The following BBS9 variants were observed in gnomAD, a reference collection of about 807,000 sequenced individuals.
The protein encoded by BBS9 is protein PTHB1.
BBS9 carries 89 observed loss-of-function variants against 117.7 expected under a neutral mutation model. The ratio of observed to expected loss-of-function variants is 0.76; its 90% CI spans 0.64 to 0.90. The LOEUF (loss-of-function observed/expected upper bound fraction) is 0.90. Ranked by LOEUF, BBS9 falls within the 40% of genes least tolerant of loss-of-function variation. The pLI is 0.00. For missense variants in BBS9, 982 were observed against 1,042.2 expected (o/e 0.94, Z 0.80); for synonymous variants, 379 against 370.9 (o/e 1.02, Z -0.25).
intron 9 of BBS9, among the ~76,000 whole-genome samples, chr7:33,315,464 G>C (rs541314558): frequency 2.6e-5 from 4 of 152,136 alleles, no homozygotes; most frequent in Non-Finnish European, 5.9e-5. Flanking sequence ...CACAAAGTCA[G>C]TCCAGATTCA....
At chr7:33,492,625 T>G (rs953438863) in intron 19 of BBS9, among the ~76,000 whole-genome samples, 2 of 152,180 alleles carry the variant, frequency 1.3e-5, no homozygotes, top group Non-Finnish European at 2.9e-5. Flanking sequence ...GACTTGAATG[T>G]TGTTCTGAAC....
At chr7:33,209,380 A>G (rs1787582866) in intron 5 of BBS9, among the ~76,000 whole-genome samples, 1 of 152,184 alleles carries the variant, frequency 6.6e-6, no homozygotes, top group Non-Finnish European at 1.5e-5. Context: ...AATCTTGGCT[A>G]TTGTGAACAG....
At chr7:33,540,247 C>T (rs1346186999) in intron 21 of BBS9, among the ~76,000 whole-genome samples, 1 of 152,150 alleles carries the variant, frequency 6.6e-6, no homozygotes, top group East Asian at 1.9e-4. Context: ...GAAATAGATT[C>T]CCTACCTCAT....
Position 33,160,226 on chromosome 7 carries a change from A to T in BBS9, c.328+4524A>T, listed in dbSNP as rs866682717. 2.6e-5 allele frequency among the ~76,000 whole-genome samples: 4 copies of T among 152,290 alleles called. No homozygotes were observed. In the East Asian group the frequency reaches 7.7e-4, roughly 29 times the overall value. ...ATTATTGCCTCATTTACTTCAAACC[A>T]TGGAAAAGGAGACCTAACAAATGAT... On this transcript the variant is annotated intron_variant, in intron 4 of 22. Coordinates refer to ENST00000242067, the MANE Select transcript of BBS9 (RefSeq NM_198428.3).
chr7:33,373,093 G>T (rs995938624), intron 17 of BBS9, among the ~76,000 whole-genome samples: 1 of 151,262 alleles, frequency 6.6e-6, no homozygotes, highest in Non-Finnish European at 1.5e-5. Flanking sequence ...TCTTTGTTTT[G>T]TTGATCTTTT....
intron 21 of BBS9, among the ~76,000 whole-genome samples, chr7:33,617,384 G>C (rs755471008): frequency 6.6e-6 from 1 of 152,038 alleles, no homozygotes; most frequent in Non-Finnish European, 1.5e-5. Context: ...GGGATAAAGA[G>C]GGGCCAAACA....
At chr7:33,211,861 T>G (rs922495310) in intron 5 of BBS9, among the ~76,000 whole-genome samples, 1 of 151,686 alleles carries the variant, frequency 6.6e-6, no homozygotes, top group African/African-American at 2.4e-5. Context: ...GGGTAAGGGT[T>G]TTTCTTTCCT....
At chr7:33,370,439 C>G (rs1422494001) in intron 17 of BBS9, among the ~76,000 whole-genome samples, 2 of 151,974 alleles carry the variant, frequency 1.3e-5, no homozygotes, top group African/African-American at 4.8e-5. Context: ...TACTGCACTC[C>G]AACCTGCGCA....
chr7:33,287,615 G>A (rs947330464), intron 9 of BBS9, among the ~76,000 whole-genome samples: 1 of 152,146 alleles, frequency 6.6e-6, no homozygotes, highest in Non-Finnish European at 1.5e-5. Flanking sequence ...ATGTGGAACT[G>A]TATTCAATGG....
At chr7:33,208,187 A>G (rs1787319941) in intron 5 of BBS9, among the ~76,000 whole-genome samples, 1 of 152,064 alleles carries the variant, frequency 6.6e-6, no homozygotes, top group African/African-American at 2.4e-5. Flanking sequence ...CTTTTTTGCC[A>G]TCCCCTATTC....
At chr7:33,601,390 T>C (rs1863769529) in intron 21 of BBS9, among the ~76,000 whole-genome samples, 1 of 152,146 alleles carries the variant, frequency 6.6e-6, no homozygotes, top group Non-Finnish European at 1.5e-5. Context: ...CCAAGGGTAC[T>C]TCATCTGGAG....
intron 19 of BBS9, among the ~76,000 whole-genome samples, chr7:33,464,249 C>G (rs972500951): frequency 1.3e-5 from 2 of 151,862 alleles, no homozygotes; most frequent in Non-Finnish European, 2.9e-5. Context: ...ATGAGCCTTA[C>G]GAAAATGAGG....
At chr7:33,170,616 G>A (rs1796394769) in intron 4 of BBS9, among the ~76,000 whole-genome samples, 1 of 151,496 alleles carries the variant, frequency 6.6e-6, no homozygotes, top group African/African-American at 2.4e-5. Context: ...AATTAGGCAG[G>A]AGAAGGAAAT....
At chr7:33,450,851 T>C (rs10244160) in intron 19 of BBS9, among the ~76,000 whole-genome samples, 12,229 of 151,920 alleles carry the variant, frequency 0.08, 592 homozygotes, top group African/African-American at 0.13. Flanking sequence ...ATTGTTTCCT[T>C]TGCTGTTCAG....
intron 20 of BBS9, among the ~76,000 whole-genome samples, chr7:33,527,529 C>T (rs1409755839): frequency 6.6e-6 from 1 of 152,200 alleles, no homozygotes; most frequent in Non-Finnish European, 1.5e-5. Context: ...GTCCGTCACC[C>T]CTTTCTTTGA....
intron 9 of BBS9, among the ~76,000 whole-genome samples, chr7:33,301,956 A>G (rs1806542205): frequency 6.6e-6 from 1 of 152,066 alleles, no homozygotes; most frequent in African/African-American, 2.4e-5. Context: ...CCTGACTTTT[A>G]GATAAAAGTC....
chr7:33,280,751 A>G (rs1234435842), intron 9 of BBS9, among the ~76,000 whole-genome samples: 4 of 152,118 alleles, frequency 2.6e-5, no homozygotes, highest in Admixed American at 6.6e-5. Context: ...AAGACCTTAT[A>G]AGATCTCTTA....
At position 33,351,254 on chromosome 7, in the gene BBS9, T is replaced by C. The variant is rs760084192; in HGVS notation, c.1468T>C (p.Tyr490His). Residue 490 changes from tyrosine (Y) to histidine (H), a missense_variant, in exon 14 of 23, where the codon TAT becomes CAT. Coordinates refer to ENST00000242067, the MANE Select transcript of BBS9 (RefSeq NM_198428.3). ...GACTAGAACAGTAAGCTTTTCTGTT[T>C]ATCTGAAAAGAAGTTATACACCATC... is the stretch of plus-strand genomic sequence containing the variant. ...DLTRTVSFSV[Y>H]LKRSYTPSEL... is the part of the protein sequence containing the mutation. 2.4e-5 allele frequency: 39 copies of C among 1,612,836 alleles called. No individual in the cohort carries two copies. In the East Asian group the frequency reaches 8.0e-4, roughly 33 times the overall value.
At chr7:33,520,375 C>T (rs928195876) in intron 20 of BBS9, among the ~76,000 whole-genome samples, 3 of 151,992 alleles carry the variant, frequency 2.0e-5, no homozygotes, top group South Asian at 2.1e-4. Context: ...CAAGTGAACC[C>T]GCACAGAAAA....
Sources: allele counts gnomAD v4.1 joint callset (sites outside exome capture counted in the v4.1 genomes callset), GRCh38; gene constraint gnomAD v4.1.1; transcripts MANE v1.5; gene names NCBI Gene and HGNC (gene_info 2026-07-23, HGNC 2026-07-21).